Variants in GRID2 observed in about 807,000 individuals in gnomAD.
GRID2 encodes glutamate receptor ionotropic, delta-2.
GRID2 carries 33 observed loss-of-function variants against 114.8 expected under a neutral mutation model. The ratio of observed to expected loss-of-function variants is 0.29; its 90% confidence interval spans 0.22 to 0.38. The LOEUF (loss-of-function observed/expected upper bound fraction) is 0.38. GRID2 is among the 10% of genes least tolerant of loss of function. The pLI is 1.00. For missense variants in GRID2, 1,184 were observed against 1,257.7 expected (o/e 0.94, Z 0.89); for synonymous variants, 505 against 449.9 (o/e 1.12, Z -1.55).
intron 13 of GRID2, among the ~76,000 whole-genome samples, chr4:93,567,968 G>A (rs761312856): frequency 2.6e-5 from 4 of 152,162 alleles, no homozygotes; most frequent in Non-Finnish European, 5.9e-5. Context: ...TCACAGAAAC[G>A]AAGTCATACA....
rs546766728 is a variant in GRID2 at position 92,735,973 on chromosome 4, G to A, written c.244+145687G>A. On this transcript the variant is annotated intron_variant, in intron 2 of 15. Coordinates refer to ENST00000282020, the MANE Select transcript of GRID2 (RefSeq NM_001510.4). ...TCCAAATGACTGAAGAAAGGTTCAC[G>A]TGGTAGACAGAAAAAGCCCCCCCAA... Among the ~76,000 whole-genome samples, 65 of 152,156 alleles carry A rather than the reference G, an allele frequency of 4.3e-4. 1 individual carries two copies. Among genetic ancestry groups the A allele is most frequent in the East Asian group, 9.7e-4 (5 of 5,180 alleles).
At chr4:93,094,887 CAAAT>C (rs1731069671) in intron 3 of GRID2, among the ~76,000 whole-genome samples, 3 of 151,282 alleles carry the variant, frequency 2.0e-5, no homozygotes, top group South Asian at 2.1e-4. Flanking sequence ...AATAAATAAG[CAAAT>C]TAATTAATTA....
Position 92,748,528 on chromosome 4 carries a change from T to C in GRID2, c.244+158242T>C, listed in dbSNP as rs16996366. ...CATTCTAGCCCTCATACTTTCACAG[T>C]ATATTGTCCAAGAGTAGAGAAAATC... is the stretch of plus-strand genomic sequence containing the variant. On this transcript the variant is annotated intron_variant, in intron 2 of 15. Coordinates refer to ENST00000282020, the MANE Select transcript of GRID2 (RefSeq NM_001510.4). 5.5e-3 allele frequency among the ~76,000 whole-genome samples: 839 copies of C among 152,116 alleles called. 18 individuals are homozygous for C. The highest frequency in any genetic ancestry group is 0.053 in the East Asian group (275 of 5,176).
At chr4:93,298,431 T>C (rs1042799483) in intron 8 of GRID2, among the ~76,000 whole-genome samples, 1 of 152,172 alleles carries the variant, frequency 6.6e-6, no homozygotes, top group South Asian at 2.1e-4. Flanking sequence ...GCAAGCTCTC[T>C]ATGGTCCCTT....
chr4:93,633,671 T>C lies in GRID2; in HGVS notation c.2360+7236T>C, dbSNP rs541372748. Among the ~76,000 whole-genome samples, 69 of 152,178 alleles carry C rather than the reference T, an allele frequency of 4.5e-4. No homozygotes were observed. In the Middle Eastern group the frequency reaches 0.014, roughly 30 times the overall value. On this transcript the variant is annotated intron_variant, in intron 14 of 15. Coordinates refer to ENST00000282020, the MANE Select transcript of GRID2 (RefSeq NM_001510.4). Reference sequence around the variant, plus strand: ...ATTTTTTCTTTCTTGGTTTCTATAATTTTTCATCCAACCAATAAAAAAGCT... The same window carrying C: ...ATTTTTTCTTTCTTGGTTTCTATAACTTTTCATCCAACCAATAAAAAAGCT...
chr4:92,632,669 A>C (rs550101203), intron 2 of GRID2, among the ~76,000 whole-genome samples: 1 of 151,790 alleles, frequency 6.6e-6, no homozygotes, highest in South Asian at 2.1e-4. Context: ...GGAAGAAGTG[A>C]AGAAAGGAAA....
intron 2 of GRID2, among the ~76,000 whole-genome samples, chr4:92,658,830 A>G (rs1178774958): frequency 4.2e-5 from 6 of 144,268 alleles, no homozygotes; most frequent in Non-Finnish European, 7.6e-5. Flanking sequence ...CACACACACA[A>G]TCACATTCAT....
intron 1 of GRID2, among the ~76,000 whole-genome samples, chr4:92,496,734 A>G (rs1723407271): frequency 6.6e-6 from 1 of 151,730 alleles, no homozygotes; most frequent in South Asian, 2.1e-4. Flanking sequence ...AATGAAAATG[A>G]ATGTTGTTAA....
chr4:92,819,253 A>G (rs1259330117), intron 2 of GRID2, among the ~76,000 whole-genome samples: 2 of 152,122 alleles, frequency 1.3e-5, no homozygotes, highest in Non-Finnish European at 2.9e-5. Context: ...AGGTTTTAAA[A>G]CTTAGGCTCA....
chr4:93,660,939 G>C (rs1484175809), intron 14 of GRID2, among the ~76,000 whole-genome samples: 2 of 151,990 alleles, frequency 1.3e-5, no homozygotes, highest in Non-Finnish European at 2.9e-5. Context: ...CCCAGAGGGA[G>C]ATATTATCTC....
intron 2 of GRID2, among the ~76,000 whole-genome samples, chr4:92,655,388 T>C (rs1246922061): frequency 6.6e-6 from 1 of 151,954 alleles, no homozygotes; most frequent in African/African-American, 2.4e-5. Context: ...CTATACTAAT[T>C]TTTGGATTGC....
chr4:92,856,755 G>A (rs1313262406), intron 2 of GRID2, among the ~76,000 whole-genome samples: 1 of 152,132 alleles, frequency 6.6e-6, no homozygotes, highest in Non-Finnish European at 1.5e-5. Flanking sequence ...CTTGTACGTA[G>A]TTGGTTTTAT....
chr4:93,416,977 C>G (rs1767777556), intron 9 of GRID2, among the ~76,000 whole-genome samples: 1 of 152,066 alleles, frequency 6.6e-6, no homozygotes, highest in African/African-American at 2.4e-5. Flanking sequence ...ATCTGTCATG[C>G]AAATGATCAG....
chr4:93,221,965 G>T (rs1579333356), intron 6 of GRID2, among the ~76,000 whole-genome samples: 1 of 152,130 alleles, frequency 6.6e-6, no homozygotes, highest in African/African-American at 2.4e-5. Flanking sequence ...AGCAGTGTCA[G>T]GTTTGGATAG....
At chr4:93,092,323 G>A (rs890811351) in intron 3 of GRID2, among the ~76,000 whole-genome samples, 2 of 152,046 alleles carry the variant, frequency 1.3e-5, no homozygotes, top group Non-Finnish European at 2.9e-5. Flanking sequence ...TACATCAGCT[G>A]ATCAGACTGG....
intron 14 of GRID2, among the ~76,000 whole-genome samples, chr4:93,767,924 G>T (rs1227067167): frequency 2.6e-5 from 4 of 152,122 alleles, no homozygotes; most frequent in African/African-American, 9.7e-5. Flanking sequence ...TATATTCTAT[G>T]TTCTTATCTG....
rs372428322 is a variant in GRID2 at position 92,512,823 on chromosome 4, G to A, written c.89-77308G>A. 2.6e-4 allele frequency among the ~76,000 whole-genome samples: 39 copies of A among 151,856 alleles called. 1 individual carries two copies. Among genetic ancestry groups the A allele is most frequent in the Admixed American group, 1.8e-3 (27 of 15,204 alleles). Reference sequence around the variant, plus strand: ...ACCACTAAAGATTGACCCTGAGAACGTAATTATATAGTTATTCTTTTTACT... The same window carrying A: ...ACCACTAAAGATTGACCCTGAGAACATAATTATATAGTTATTCTTTTTACT... On this transcript the variant is annotated intron_variant, in intron 1 of 15. Coordinates refer to ENST00000282020, the MANE Select transcript of GRID2 (RefSeq NM_001510.4).
chr4:92,770,610 G>A (rs1738494183), intron 2 of GRID2, among the ~76,000 whole-genome samples: 2 of 152,138 alleles, frequency 1.3e-5, no homozygotes, highest in East Asian at 1.9e-4. Context: ...ATGGTGGAAG[G>A]TGAAAGGCAA....
chr4:92,815,053 A>G (rs1036803387), intron 2 of GRID2, among the ~76,000 whole-genome samples: 3 of 152,166 alleles, frequency 2.0e-5, no homozygotes. Flanking sequence ...CATAATTGGC[A>G]CAATATACTT....
Sources: allele counts gnomAD v4.1 joint callset (sites outside exome capture counted in the v4.1 genomes callset), GRCh38; gene constraint gnomAD v4.1.1; transcripts MANE v1.5; gene names NCBI Gene and HGNC (gene_info 2026-07-23, HGNC 2026-07-21).